TMEM135: variants seen among roughly 807,000 people sequenced by gnomAD.
The protein encoded by TMEM135 is peroxisomal membrane protein 52.
TMEM135 carries 30 observed loss-of-function variants against 60.3 expected under a neutral mutation model. The observed-to-expected ratio is 0.50, with a 90% CI of 0.37 to 0.68. The LOEUF (loss-of-function observed/expected upper bound fraction) is 0.68, where lower values mean the gene tolerates loss of function less well. Among genes scored for constraint, TMEM135 ranks in the 30% least tolerant of loss-of-function variants. TMEM135 has a pLI of 0.00. For missense variants in TMEM135, 468 were observed against 548.8 expected, an observed-to-expected ratio of 0.85 and a Z score of 1.47; for synonymous variants, 190 against 186.7, an observed-to-expected ratio of 1.02 and a Z score of -0.14.
At chr11:87,134,213 C>T (rs982903062) in intron 4 of TMEM135, among the ~76,000 whole-genome samples, 1 of 152,024 alleles carries the variant, frequency 6.6e-6, no homozygotes, top group South Asian at 2.1e-4. Flanking sequence ...CTGTTTTCTC[C>T]CTGTGCCTTC....
At chr11:87,278,708 A>G (rs1942008824) in intron 6 of TMEM135, among the ~76,000 whole-genome samples, 1 of 152,228 alleles carries the variant, frequency 6.6e-6, no homozygotes, top group African/African-American at 2.4e-5. Flanking sequence ...TAATTTATAT[A>G]CAATAAAAAT....
chr11:87,304,951 A>G (rs1393920767), intron 8 of TMEM135, among the ~76,000 whole-genome samples: 1 of 152,194 alleles, frequency 6.6e-6, no homozygotes, highest in East Asian at 1.9e-4. Flanking sequence ...TAAACCACTA[A>G]AATGAGTGCA....
At chr11:87,079,325 G>A (rs1357602677) in intron 3 of TMEM135, among the ~76,000 whole-genome samples, 2 of 152,162 alleles carry the variant, frequency 1.3e-5, no homozygotes, top group African/African-American at 4.8e-5. Context: ...TTTAAAAGTT[G>A]TATAGTTTTA....
intron 4 of TMEM135, among the ~76,000 whole-genome samples, chr11:87,110,060 T>A (rs890390929): frequency 3.3e-5 from 5 of 152,142 alleles, no homozygotes; most frequent in Non-Finnish European, 7.3e-5. Flanking sequence ...TTGAGAGAAC[T>A]TGGTTGAAAT....
At chr11:87,265,535 C>T (rs1339673325) in intron 6 of TMEM135, among the ~76,000 whole-genome samples, 2 of 151,952 alleles carry the variant, frequency 1.3e-5, no homozygotes, top group Non-Finnish European at 2.9e-5. Context: ...ACTACTATGT[C>T]AGATCAAATT....
chr11:87,159,711 A>G (rs995121607), intron 5 of TMEM135, among the ~76,000 whole-genome samples: 2 of 152,050 alleles, frequency 1.3e-5, no homozygotes, highest in Non-Finnish European at 1.5e-5. Context: ...CGGGGAAACA[A>G]TTCTATCAAT....
chr11:87,050,623 T>A (rs1270464969), intron 1 of TMEM135, among the ~76,000 whole-genome samples: 2 of 33,786 alleles, frequency 5.9e-5, no homozygotes, highest in Non-Finnish European at 8.8e-5. Context: ...AGGAAGAAGT[T>A]GAATCTCTGA....
intron 4 of TMEM135, among the ~76,000 whole-genome samples, chr11:87,142,833 CCTTT>C (rs1329052050): frequency 6.7e-6 from 1 of 148,634 alleles, no homozygotes; most frequent in Non-Finnish European, 1.5e-5. Context: ...TCTTCCTTCT[CCTTT>C]CTTCTTCTTT....
At chr11:87,079,256 T>G (rs1241022759) in intron 3 of TMEM135, among the ~76,000 whole-genome samples, 1 of 152,194 alleles carries the variant, frequency 6.6e-6, no homozygotes, top group East Asian at 1.9e-4. Flanking sequence ...TCCACCTGCC[T>G]CGGCCCCGCA....
At chr11:87,118,848 A>G (rs1857963953) in intron 4 of TMEM135, among the ~76,000 whole-genome samples, 1 of 152,122 alleles carries the variant, frequency 6.6e-6, no homozygotes, top group South Asian at 2.1e-4. Flanking sequence ...CTAGCTTCAC[A>G]CTTCTGCAAT....
intron 4 of TMEM135, chr11:87,120,966 A>AT (rs1467348815): frequency 1.3e-5 from 2 of 152,132 alleles, no homozygotes; most frequent in Non-Finnish European, 2.9e-5. Flanking sequence ...TGGGGAAACA[A>AT]TGATGAATTG....
intron 5 of TMEM135, among the ~76,000 whole-genome samples, chr11:87,193,827 C>G (rs1454059511): frequency 1.3e-5 from 2 of 149,322 alleles, no homozygotes; most frequent in African/African-American, 4.9e-5. Flanking sequence ...ATACATTATA[C>G]TTGTTTTGAA....
rs368132225 is a variant in TMEM135, at chr11:87,084,706, A to T, written c.363-6656A>T. ...CTCCAACCAAAATAAATAGATAAAT[A>T]AAAGAAGGGAACAATGAGAAAAGCT... On this transcript the variant is annotated intron_variant, in intron 3 of 14. Transcript: ENST00000305494. Among the ~76,000 whole-genome samples the T allele has an allele frequency of 2.0e-5, 3 of 152,362 alleles. No individual in the cohort carries two copies. The South Asian group carries it at 6.2e-4, about 32-fold the overall frequency.
At chr11:87,046,913 G>A (rs527282448) in intron 1 of TMEM135, among the ~76,000 whole-genome samples, 3 of 152,300 alleles carry the variant, frequency 2.0e-5, no homozygotes, top group Admixed American at 2.0e-4. Flanking sequence ...CCACTTACTG[G>A]CATTGTGACC....
At chr11:87,262,556 T>A (rs1941673128) in intron 6 of TMEM135, among the ~76,000 whole-genome samples, 1 of 152,194 alleles carries the variant, frequency 6.6e-6, no homozygotes. Context: ...TTGCTCTGAT[T>A]TGTAGGAGCT....
chr11:87,091,898 TA>T (rs1857215223), intron 4 of TMEM135, among the ~76,000 whole-genome samples: 2 of 150,122 alleles, frequency 1.3e-5, no homozygotes, highest in Admixed American at 1.3e-4. Context: ...AAGTTAATGT[TA>T]TGTTGTTTGA....
intron 2 of TMEM135, 129 bp from the exon 3 acceptor site, chr11:87,071,394 G>A: frequency 1.4e-6 from 1 of 713,396 alleles, no homozygotes; most frequent in South Asian, 1.7e-5. Context: ...GTTTGATTTT[G>A]AATATGTTTA....
intron 6 of TMEM135, among the ~76,000 whole-genome samples, chr11:87,288,668 T>C (rs1012871336): frequency 2.8e-5 from 1 of 35,776 alleles, no homozygotes; most frequent in African/African-American, 1.2e-4. Context: ...TTACTTTTAG[T>C]TTTTTTATAT....
intron 4 of TMEM135, among the ~76,000 whole-genome samples, chr11:87,155,016 G>T: frequency 1.5e-5 from 1 of 67,798 alleles, no homozygotes; most frequent in Non-Finnish European, 2.9e-5. Flanking sequence ...TATTTATTTA[G>T]AGACTGAGTT....
Sources: gnomAD v4.1 joint callset for allele counts (sites outside exome capture counted in the v4.1 genomes callset) on GRCh38, gnomAD v4.1.1 for gene constraint, MANE v1.5 for transcripts, NCBI Gene and HGNC (gene_info 2026-07-23, HGNC 2026-07-21) for gene names.